Variants in TOP1 observed in about 807,000 individuals in gnomAD.
TOP1 encodes the protein DNA topoisomerase 1.
In TOP1, 10 loss-of-function variants were observed where a neutral mutation model predicts 111.1. The observed-to-expected ratio is 0.09, with a 90% CI of 0.06 to 0.15. The LOEUF (loss-of-function observed/expected upper bound fraction) is 0.15. Among genes scored for constraint, TOP1 ranks in the 10% least tolerant of loss-of-function variants. TOP1 has a pLI of 1.00. For missense variants in TOP1, 474 were observed against 926.7 expected, an observed-to-expected ratio of 0.51 and a Z score of 6.34; for synonymous variants, 271 against 302.9, an observed-to-expected ratio of 0.89 and a Z score of 1.10.
rs1270355402 is a variant in TOP1 at position 41,112,941 on chromosome 20, CAT to C, written c.1452+17_1452+18del. ...CATCGACAAGGTGAGAGCATCTTCC[CAT>C]CGGCATTGTCTAGTGTTGAGCTTAA... On this transcript the variant is annotated intron_variant, in intron 14 of 20. Transcript: ENST00000361337. This position sits in a 1 kb window ranked among gnomAD's most constrained non-coding sequence, Gnocchi z 5.8. The C allele has an allele frequency of 1.9e-6, 3 of 1,612,688 alleles. No individual in the cohort carries two copies. The highest frequency in any genetic ancestry group is 2.5e-6 in the Non-Finnish European group (3 of 1,179,090).
chr20:41,068,388 T>C (rs2033631929), intron 3 of TOP1, among the ~76,000 whole-genome samples: 1 of 152,194 alleles, frequency 6.6e-6, no homozygotes, highest in South Asian at 2.1e-4. Flanking sequence ...CTGTTAGCGT[T>C]AATATTTTGC....
At chr20:41,085,078 AT>A (rs1312620517) in intron 8 of TOP1, among the ~76,000 whole-genome samples, 12 of 99,214 alleles carry the variant, frequency 1.2e-4, no homozygotes, top group Non-Finnish European at 7.5e-5. Flanking sequence ...CCTTCATGCC[AT>A]TTAAAAAAAA....
At position 41,084,575 on chromosome 20, in the gene TOP1, T is replaced by C; in HGVS notation, c.614+7T>C. On this transcript the variant is annotated splice_region_variant and intron_variant, in intron 8 of 20. Transcript: ENST00000361337. ...AGGAACAGAAGTGGAAATGGTAACA[T>C]CTCAGCACTGGGTTAAAATGCCACC... The C allele has an allele frequency of 1.3e-6, 2 of 1,515,928 alleles. No homozygotes were observed. The highest frequency in any genetic ancestry group is 1.8e-6 in the Non-Finnish European group (2 of 1,123,808). The allele number at this position is 1,515,928 out of a possible 1,614,324, so 93.9% of individuals were successfully genotyped here. A position where few individuals can be genotyped will look rare whatever the true frequency, so the allele number is the denominator to read the frequency against.
At chr20:41,068,426 G>GAGT (rs1160144244) in intron 3 of TOP1, among the ~76,000 whole-genome samples, 1 of 151,394 alleles carries the variant, frequency 6.6e-6, no homozygotes. Flanking sequence ...TTTTTTTTTG[G>GAGT]AGTCAGGGTC....
chr20:41,081,354 A>AGG, intron 7 of TOP1, 114 bp downstream of exon 7: 1 of 1,261,422 alleles, frequency 7.9e-7, no homozygotes, highest in South Asian at 1.7e-5. Flanking sequence ...TTATAACATT[A>AGG]GGGAAAACAA....
chr20:41,055,887 GTCT>G (rs2033464236), intron 2 of TOP1, among the ~76,000 whole-genome samples: 2 of 152,166 alleles, frequency 1.3e-5, no homozygotes, highest in East Asian at 3.8e-4. Context: ...AACTAGGCCA[GTCT>G]TCTTGCCATG....
At chr20:41,088,178 G>A (rs200430052) in intron 8 of TOP1, among the ~76,000 whole-genome samples, 34 of 152,124 alleles carry the variant, frequency 2.2e-4, no homozygotes, top group African/African-American at 7.5e-4. Flanking sequence ...AATAGGAGTC[G>A]TAAAAACAGT....
At position 41,085,081 on chromosome 20, in the gene TOP1, TAAAA is replaced by T. The variant is rs11477287; in HGVS notation, c.614+526_614+529del. 6.3e-5 allele frequency among the ~76,000 whole-genome samples: 9 copies of T among 142,354 alleles called. No individual in the cohort carries two copies. In the South Asian group the frequency reaches 1.1e-3, roughly 18 times the overall value. The allele number at this position is 142,354 out of a possible 152,430, so 93.4% of individuals were successfully genotyped here. A position where few individuals can be genotyped will look rare whatever the true frequency, so the allele number is the denominator to read the frequency against. On this transcript the variant is annotated intron_variant, in intron 8 of 20. Coordinates refer to ENST00000361337, the MANE Select transcript of TOP1 (RefSeq NM_003286.4). ...GGCAGGTGGACACCTTCATGCCATT[TAAAA>T]AAAAAAAAAAAACTCAAGGCAAAAT...
rs778626528 is a variant in TOP1 at position 41,081,252 on chromosome 20, G to C, written c.507+12G>C. The C allele has an allele frequency of 6.3e-7, 1 of 1,594,878 alleles. No homozygotes were observed. Among genetic ancestry groups the C allele is most frequent in the South Asian group, 1.1e-5 (1 of 87,850 alleles). On this transcript the variant is annotated intron_variant, in intron 7 of 20. Transcript: ENST00000361337. ...TAGAAGAAGAAGAGGTTAGTAAAGA[G>C]ACTTAGGTCCTTTGGGGCTTGAGTT...
chr20:41,063,142 A>G (rs1203106351), intron 3 of TOP1, among the ~76,000 whole-genome samples: 1 of 152,164 alleles, frequency 6.6e-6, no homozygotes. Flanking sequence ...CTTTATGTCC[A>G]TGAGCACCCG....
At chr20:41,036,492 A>G (rs2033186905) in intron 2 of TOP1, among the ~76,000 whole-genome samples, 1 of 152,252 alleles carries the variant, frequency 6.6e-6, no homozygotes, top group Non-Finnish European at 1.5e-5. Flanking sequence ...TTAGATAAGT[A>G]TATGAAGGTG....
At chr20:41,043,568 A>T (rs1421698676) in intron 2 of TOP1, among the ~76,000 whole-genome samples, 1 of 152,334 alleles carries the variant, frequency 6.6e-6, no homozygotes, top group Non-Finnish European at 1.5e-5. Context: ...AGCCCTGTCA[A>T]TGAGAATTGT....
intron 13 of TOP1, among the ~76,000 whole-genome samples, chr20:41,104,177 G>A (rs1343088936): frequency 6.6e-6 from 1 of 152,134 alleles, no homozygotes; most frequent in African/African-American, 2.4e-5. Context: ...GTTGGATCTT[G>A]GGCAAGTTTT....
At chr20:41,096,386 A>G (rs557966359) in intron 9 of TOP1, among the ~76,000 whole-genome samples, 177 of 152,306 alleles carry the variant, frequency 1.2e-3, no homozygotes, top group South Asian at 1.0e-2. Flanking sequence ...CAGCTTTTAC[A>G]TAAACAATTG....
intron 2 of TOP1, among the ~76,000 whole-genome samples, chr20:41,047,686 A>C (rs182509535): frequency 6.6e-6 from 1 of 152,342 alleles, no homozygotes; most frequent in East Asian, 1.9e-4. Flanking sequence ...GGCAGAATTG[A>C]ATACTTGCAG....
intron 13 of TOP1, among the ~76,000 whole-genome samples, chr20:41,107,780 GT>G (rs1303778228): frequency 6.6e-6 from 1 of 152,062 alleles, no homozygotes; most frequent in African/African-American, 2.4e-5. Context: ...ACTGGGAGGT[GT>G]TTTTTGCTTA....
At chr20:41,111,065 CT>C (rs1175079807) in intron 13 of TOP1, among the ~76,000 whole-genome samples, 1 of 152,178 alleles carries the variant, frequency 6.6e-6, no homozygotes, top group Admixed American at 6.5e-5. Context: ...TACCTGACTC[CT>C]ACCTTACATT....
At chr20:41,054,548 TTCTC>T (rs1443690691) in intron 2 of TOP1, among the ~76,000 whole-genome samples, 1 of 152,242 alleles carries the variant, frequency 6.6e-6, no homozygotes, top group Non-Finnish European at 1.5e-5. Context: ...CTGGGACTAT[TTCTC>T]TATCGTAAGA....
At chr20:41,066,557 C>CTTTTTT (rs776922601) in intron 3 of TOP1, among the ~76,000 whole-genome samples, 56 of 129,358 alleles carry the variant, frequency 4.3e-4, no homozygotes, top group East Asian at 2.9e-3. Flanking sequence ...CTTTTCTTTT[C>CTTTTTT]TTTTTTTTTT....
Sources: allele counts gnomAD v4.1 joint callset (sites outside exome capture counted in the v4.1 genomes callset), GRCh38; gene constraint gnomAD v4.1.1; non-coding constraint Gnocchi (gnomAD v3.1); transcripts MANE v1.5; gene names NCBI Gene and HGNC (gene_info 2026-07-23, HGNC 2026-07-21).